TBX5: variants seen among roughly 807,000 people sequenced by gnomAD.
The protein encoded by TBX5 is T-box transcription factor 5.
A neutral mutation model predicts 51.1 loss-of-function variants in TBX5; 8 were observed. That is an observed-to-expected ratio of 0.16 (90% confidence interval 0.09 to 0.28). The LOEUF (loss-of-function observed/expected upper bound fraction) is 0.28, where lower values mean the gene tolerates loss of function less well. Among genes scored for constraint, TBX5 ranks in the 10% least tolerant of loss-of-function variants. TBX5 has a pLI of 1.00. For missense variants in TBX5, 589 were observed against 671.7 expected, an observed-to-expected ratio of 0.88 and a Z score of 1.36; for synonymous variants, 302 against 266.4, an observed-to-expected ratio of 1.13 and a Z score of -1.30.
At chr12:114,393,921 T>C (rs1384414506) in intron 6 of TBX5, among the ~76,000 whole-genome samples, 1 of 152,154 alleles carries the variant, frequency 6.6e-6, no homozygotes, top group Non-Finnish European at 1.5e-5. Context: ...AAGAATGTGG[T>C]CTGGAGTCAG....
At chr12:114,389,110 T>C (rs1871002944) in intron 6 of TBX5, among the ~76,000 whole-genome samples, 1 of 151,192 alleles carries the variant, frequency 6.6e-6, no homozygotes, top group African/African-American at 2.4e-5. Flanking sequence ...TGTATTTTAG[T>C]ACAGACAGGG....
At chr12:114,379,058 T>C (rs1870363052) in intron 7 of TBX5, among the ~76,000 whole-genome samples, 1 of 152,110 alleles carries the variant, frequency 6.6e-6, no homozygotes, top group Non-Finnish European at 1.5e-5. Context: ...TGAGGTCCCA[T>C]CCAAAAGCAG....
At chr12:114,372,619 G>A (rs1869974894) in intron 7 of TBX5, among the ~76,000 whole-genome samples, 1 of 151,862 alleles carries the variant, frequency 6.6e-6, no homozygotes, top group Non-Finnish European at 1.5e-5. Context: ...ATTTCCCATT[G>A]TTGACTCAAC....
chr12:114,360,060 T>A (rs11067072), intron 8 of TBX5, among the ~76,000 whole-genome samples: 41,940 of 152,036 alleles, frequency 0.28, 6,192 homozygotes, highest in East Asian at 0.38. Flanking sequence ...TGAGCAAATA[T>A]TTTCACTATT....
chr12:114,391,628 G>A (rs904306735), intron 6 of TBX5, among the ~76,000 whole-genome samples: 9 of 152,168 alleles, frequency 5.9e-5, no homozygotes, highest in African/African-American at 2.2e-4. Context: ...AGTCAGATAG[G>A]TTTGAACCCA....
chr12:114,361,431 TG>T (rs1869232775), intron 8 of TBX5, among the ~76,000 whole-genome samples: 1 of 151,968 alleles, frequency 6.6e-6, no homozygotes, highest in African/African-American at 2.4e-5. Flanking sequence ...CTAATGCGAG[TG>T]GGGGTGAGAG....
chr12:114,407,836 T>C, upstream of TBX5: 2 of 985,364 alleles, frequency 2.0e-6, no homozygotes, highest in Non-Finnish European at 2.4e-6. Flanking sequence ...CACCTCTTCT[T>C]TGGAGCGCAA....
At chr12:114,369,528 C>A (rs746081075) in intron 7 of TBX5, among the ~76,000 whole-genome samples, 1 of 152,154 alleles carries the variant, frequency 6.6e-6, no homozygotes, top group Non-Finnish European at 1.5e-5. Context: ...ACTTCTCAAT[C>A]ATTATAGAAT....
At chr12:114,367,338 G>C (rs1869602813) in intron 7 of TBX5, among the ~76,000 whole-genome samples, 1 of 152,104 alleles carries the variant, frequency 6.6e-6, no homozygotes, top group Non-Finnish European at 1.5e-5. Context: ...TCCCTTACAG[G>C]CTGTGTGTCC....
chr12:114,396,037 G>T (rs2114327), intron 5 of TBX5, among the ~76,000 whole-genome samples: 5,533 of 152,260 alleles, frequency 0.036, 312 homozygotes, highest in African/African-American at 0.12. Context: ...AACTGCGGAG[G>T]TTGTCTCTGT....
At chr12:114,368,036 A>G (rs981835651) in intron 7 of TBX5, among the ~76,000 whole-genome samples, 5 of 152,228 alleles carry the variant, frequency 3.3e-5, no homozygotes, top group African/African-American at 1.2e-4. Context: ...CTTCAGTCAG[A>G]CACAATTTTC....
intron 6 of TBX5, among the ~76,000 whole-genome samples, chr12:114,392,116 T>C (rs1486977755): frequency 2.0e-5 from 3 of 150,336 alleles, no homozygotes; most frequent in Non-Finnish European, 4.4e-5. Flanking sequence ...TCCAAATGCG[T>C]ATTTGGAGAC....
chr12:114,376,025 A>G (rs1870164942), intron 7 of TBX5, among the ~76,000 whole-genome samples: 2 of 152,186 alleles, frequency 1.3e-5, no homozygotes, highest in South Asian at 2.1e-4. Flanking sequence ...AGCCTGGGCA[A>G]CAGAGTAAGA....
intron 7 of TBX5, among the ~76,000 whole-genome samples, chr12:114,379,984 G>T (rs1476129137): frequency 6.6e-6 from 1 of 152,060 alleles, no homozygotes; most frequent in Non-Finnish European, 1.5e-5. Flanking sequence ...CCTCATACCT[G>T]TCATAGAGTC....
At chr12:114,380,459 C>G (rs779016532) in intron 7 of TBX5, among the ~76,000 whole-genome samples, 2 of 152,202 alleles carry the variant, frequency 1.3e-5, no homozygotes, top group Non-Finnish European at 2.9e-5. Flanking sequence ...AGCCTTAACT[C>G]CCCTCCCTTC....
At chr12:114,376,265 G>GTA (rs143603426) in intron 7 of TBX5, among the ~76,000 whole-genome samples, 1 of 149,200 alleles carries the variant, frequency 6.7e-6, no homozygotes, top group Non-Finnish European at 1.5e-5. Flanking sequence ...AATGTGGTGT[G>GTA]TATATATATA....
intron 3 of TBX5, among the ~76,000 whole-genome samples, chr12:114,400,931 C>T (rs775934384): frequency 1.1e-4 from 16 of 152,328 alleles, no homozygotes; most frequent in Admixed American, 1.3e-4. Context: ...GCTCCACCCT[C>T]CCCCTTCACA....
chr12:114,361,434 G>C lies in TBX5; in HGVS notation c.982+4731C>G, dbSNP rs544031795. ...TGCTTTTAGTTTCTAATGCGAGTGGGGGTGAGAGTCAGGGGTGAGAGGGAG... is the reference window on the plus strand; with the variant it reads ...TGCTTTTAGTTTCTAATGCGAGTGGCGGTGAGAGTCAGGGGTGAGAGGGAG... On this transcript the variant is annotated intron_variant, in intron 8 of 8. Transcript: ENST00000405440. 7.2e-5 allele frequency among the ~76,000 whole-genome samples: 11 copies of C among 152,280 alleles called. No individual in the cohort carries two copies. The South Asian group carries it at 2.3e-3, about 32-fold the overall frequency.
At chr12:114,392,619 T>TG (rs572117842) in intron 6 of TBX5, among the ~76,000 whole-genome samples, 1 of 152,148 alleles carries the variant, frequency 6.6e-6, no homozygotes, top group Non-Finnish European at 1.5e-5. Context: ...TGGGCTTTCT[T>TG]GGGGTAGAGG....
Sources: allele counts gnomAD v4.1 joint callset (sites outside exome capture counted in the v4.1 genomes callset), GRCh38; gene constraint gnomAD v4.1.1; transcripts MANE v1.5; gene names NCBI Gene and HGNC (gene_info 2026-07-23, HGNC 2026-07-21).